The following PTPRR variants were observed in gnomAD, a reference collection of about 807,000 sequenced individuals.
PTPRR encodes protein tyrosine phosphatase receptor type R.
In PTPRR, 38 loss-of-function variants were observed where a neutral mutation model predicts 77.2. The ratio of observed to expected loss-of-function variants is 0.49; its 90% CI spans 0.38 to 0.65. PTPRR has a LOEUF of 0.65. PTPRR is among the 30% of genes least tolerant of loss of function. The pLI, the probability that PTPRR is intolerant of heterozygous loss-of-function variation, is 0.00. For missense variants in PTPRR, 744 were observed against 799.2 expected (o/e 0.93, Z 0.83); for synonymous variants, 299 against 283.1 (o/e 1.06, Z -0.57).
intron 10 of PTPRR, among the ~76,000 whole-genome samples, chr12:70,663,089 G>A (rs1002822062): frequency 6.6e-6 from 1 of 152,176 alleles, no homozygotes; most frequent in African/African-American, 2.4e-5. Context: ...ATGTTAGGTG[G>A]CATACAACCA....
chr12:70,896,925 T>A (rs1375349530), intron 1 of PTPRR, among the ~76,000 whole-genome samples: 1 of 151,852 alleles, frequency 6.6e-6, no homozygotes, highest in Non-Finnish European at 1.5e-5. Context: ...TAGTTGTAGA[T>A]ATGCGGCATT....
chr12:70,677,532 G>A (rs1250032302), intron 10 of PTPRR, among the ~76,000 whole-genome samples: 1 of 152,024 alleles, frequency 6.6e-6, no homozygotes, highest in Admixed American at 6.5e-5. Context: ...TCAATATGAT[G>A]TTTGTTGTGG....
At chr12:70,678,054 T>C (rs1217034113) in intron 10 of PTPRR, among the ~76,000 whole-genome samples, 1 of 152,178 alleles carries the variant, frequency 6.6e-6, no homozygotes, top group Non-Finnish European at 1.5e-5. Flanking sequence ...GATACTTTTT[T>C]TTTTGAGATG....
intron 6 of PTPRR, among the ~76,000 whole-genome samples, chr12:70,729,963 T>C (rs1325202105): frequency 7.6e-6 from 1 of 132,080 alleles, no homozygotes; most frequent in Non-Finnish European, 1.7e-5. Flanking sequence ...TCATTTGATA[T>C]TTTTATCCTC....
Position 70,666,935 on chromosome 12 carries a change from G to GT in PTPRR, c.1498-4331dup, listed in dbSNP as rs142691396. On this transcript the variant is annotated intron_variant, in intron 10 of 13. Transcript: ENST00000283228. ...TTTTTGATTAACTGTGTGTTTTTCT[G>GT]TTTTTTTTTTTTTTTTTTTTTTTTT... Among the ~76,000 whole-genome samples, 15 of 29,052 alleles carry GT rather than the reference G, an allele frequency of 5.2e-4. 6 individuals are homozygous for GT. The highest frequency in any genetic ancestry group is 1.2e-3 in the Non-Finnish European group (13 of 10,902). 19.1% of individuals were successfully genotyped at this position (29,052 alleles called of 152,430 possible).
At chr12:70,821,081 AATG>A (rs771390747) in intron 2 of PTPRR, among the ~76,000 whole-genome samples, 8 of 152,176 alleles carry the variant, frequency 5.3e-5, no homozygotes, top group African/African-American at 2.4e-5. Context: ...CAAAAAGATT[AATG>A]AAGAAAAAAT....
rs149667998 is a variant in PTPRR, at chr12:70,878,801, C to T, written c.357+13878G>A. On this transcript the variant is annotated intron_variant, in intron 2 of 13. Coordinates refer to ENST00000283228, the MANE Select transcript of PTPRR (RefSeq NM_002849.4). Reference sequence around the variant, plus strand: ...AAGCTGCTATAAAGGCACATGCACACGTATGTTTATTGCAGCACTATTCAC... The same window carrying T: ...AAGCTGCTATAAAGGCACATGCACATGTATGTTTATTGCAGCACTATTCAC... Among the ~76,000 whole-genome samples the T allele has an allele frequency of 4.2e-3, 644 of 152,252 alleles. 5 individuals carry two copies. Among genetic ancestry groups the T allele is most frequent in the African/African-American group, 0.014 (585 of 41,534 alleles).
At chr12:70,771,403 G>GACTGCTAGAGGAGAGACTGCA (rs921101912) in intron 2 of PTPRR, among the ~76,000 whole-genome samples, 1 of 152,034 alleles carries the variant, frequency 6.6e-6, no homozygotes, top group African/African-American at 2.4e-5. Flanking sequence ...CTAGAGGAGA[G>GACTGCTAGAGGAGAGACTGCA]AGGGAGGGAA....
intron 2 of PTPRR, among the ~76,000 whole-genome samples, chr12:70,831,840 G>A (rs1025250881): frequency 1.3e-5 from 2 of 152,108 alleles, no homozygotes; most frequent in Non-Finnish European, 2.9e-5. Context: ...CTTAAGGTCA[G>A]AAAGTCTGCC....
chr12:70,733,480 A>AAAAAAAAAAAAAAAAAAAAAAAAAATT (rs1565672451), intron 6 of PTPRR, among the ~76,000 whole-genome samples: 1 of 85,808 alleles, frequency 1.2e-5, no homozygotes, highest in African/African-American at 5.3e-5. Flanking sequence ...CAAAAAAAAA[A>AAAAAAAAAAAAAAAAAAAAAAAAAATT]AGAAAAAAAA....
In PTPRR at chr12:70,701,205, G is replaced by A. The variant is rs368823191; in HGVS notation, c.1126C>T (p.Arg376Ter). 1.1e-5 allele frequency: 17 copies of A among 1,613,778 alleles called. No individual in the cohort carries two copies. The highest frequency in any genetic ancestry group is 5.1e-6 in the Non-Finnish European group (6 of 1,179,946). Reference sequence around the variant, plus strand: ...CTCAGCTGAGACCTTGTGAGAATTCGGCTGGCTGACTGCAGATACTCCATT... The same window carrying A: ...CTCAGCTGAGACCTTGTGAGAATTCAGCTGGCTGACTGCAGATACTCCATT... Reference protein sequence around the residue: ...VAMEYLQSASRILTRSQLRDV... With the variant: ...VAMEYLQSAS The change falls in exon 7 of 14, where the codon CGA (arginine) becomes TGA (stop). Residue 376 changes from arginine to a stop codon, truncating the protein, a stop_gained. Transcript: ENST00000283228. LOFTEE classifies it high-confidence loss of function.
intron 9 of PTPRR, 74 bp from the exon 10 acceptor site, chr12:70,684,338 T>C (rs1566066216): frequency 6.6e-7 from 1 of 1,506,492 alleles, no homozygotes; most frequent in East Asian, 2.3e-5. Flanking sequence ...GTGAAAGATC[T>C]TCAACGAAAT....
chr12:70,866,752 T>C lies in PTPRR; in HGVS notation c.357+25927A>G, dbSNP rs1427884545. ...CAAAAAAGAGAATTTTAGACCAATA[T>C]CCTTGATGAACATTGATGCAAAAAT... On this transcript the variant is annotated intron_variant, in intron 2 of 13. Transcript: ENST00000283228. 2.0e-5 allele frequency among the ~76,000 whole-genome samples: 3 copies of C among 152,222 alleles called. No homozygotes were observed. In the East Asian group the frequency reaches 5.8e-4, roughly 29 times the overall value.
In PTPRR at chr12:70,662,546, A is replaced by G; in HGVS notation, c.1557T>C (p.Val519=). Reference sequence around the variant, plus strand: ...AGTTATCACATTCATTTACACTGATAACCAGAACCTCAACTTTTCCATATA... The same window carrying G: ...AGTTATCACATTCATTTACACTGATGACCAGAACCTCAACTTTTCCATATA... ...RGIYGKVEVL[V]ISVNECDNYT... is the part of the protein sequence containing the mutation. Residue 519 remains valine, a synonymous_variant, in exon 11 of 14, where the codon GTT becomes GTC. Transcript: ENST00000283228. The G allele has an allele frequency of 6.2e-7, 1 of 1,612,858 alleles. No homozygotes were observed. Among genetic ancestry groups the G allele is most frequent in the East Asian group, 2.2e-5 (1 of 44,746 alleles).
chr12:70,741,167 A>T (rs1890033771), intron 6 of PTPRR, among the ~76,000 whole-genome samples: 1 of 152,202 alleles, frequency 6.6e-6, no homozygotes, highest in South Asian at 2.1e-4. Flanking sequence ...TCAGGCATTT[A>T]TCTCCAGGAG....
intron 11 of PTPRR, 117 bp from the exon 12 acceptor site, chr12:70,661,214 G>T: frequency 7.3e-7 from 1 of 1,369,280 alleles, no homozygotes. Flanking sequence ...ATTTCTAGGT[G>T]GGAAAAAAAT....
intron 2 of PTPRR, among the ~76,000 whole-genome samples, chr12:70,831,685 C>A (rs895500649): frequency 3.3e-5 from 5 of 152,200 alleles, no homozygotes; most frequent in African/African-American, 1.2e-4. Flanking sequence ...AGATGGCAAG[C>A]TATCATTTCA....
chr12:70,673,030 G>GAAAAAA, intron 10 of PTPRR: 2 of 334,074 alleles, frequency 6.0e-6, no homozygotes, highest in South Asian at 8.8e-5. Flanking sequence ...TCGGGCCAAA[G>GAAAAAA]CAAAAAAAAA....
intron 8 of PTPRR, among the ~76,000 whole-genome samples, chr12:70,688,752 C>A (rs1291072273): frequency 1.3e-5 from 2 of 152,122 alleles, no homozygotes; most frequent in African/African-American, 4.8e-5. Context: ...GTTCTTGCAG[C>A]ACTATTTACA....
Sources: allele counts gnomAD v4.1 joint callset (sites outside exome capture counted in the v4.1 genomes callset), GRCh38; gene constraint gnomAD v4.1.1; transcripts MANE v1.5; gene names NCBI Gene and HGNC (gene_info 2026-07-23, HGNC 2026-07-21).